RBM19: variants seen among roughly 807,000 people sequenced by gnomAD.
RBM19 encodes the protein probable RNA-binding protein 19.
RBM19 carries 94 observed loss-of-function variants against 116.8 expected under a neutral mutation model. The ratio of observed to expected loss-of-function variants is 0.80; its 90% CI spans 0.68 to 0.95. The LOEUF (loss-of-function observed/expected upper bound fraction) is 0.95, where lower values mean the gene tolerates loss of function less well. Among genes scored for constraint, RBM19 ranks in the 40% least tolerant of loss-of-function variants. The probability of loss-of-function intolerance (pLI) is 0.00; values close to 1 mark genes in which losing one functional copy is unlikely to be tolerated. For missense variants in RBM19, 1,161 were observed against 1,220.7 expected (o/e 0.95, Z 0.73); for synonymous variants, 475 against 494.1 (o/e 0.96, Z 0.51).
intron 22 of RBM19, among the ~76,000 whole-genome samples, chr12:113,850,014 A>G (rs574932403): frequency 2.8e-4 from 42 of 152,252 alleles, no homozygotes; most frequent in South Asian, 2.5e-3. Flanking sequence ...GCTCCTGCTC[A>G]AGGCCTCTCC....
intron 22 of RBM19, among the ~76,000 whole-genome samples, chr12:113,854,480 C>A (rs1479295773): frequency 6.6e-6 from 1 of 152,098 alleles, no homozygotes; most frequent in African/African-American, 2.4e-5. Context: ...CCCCCATCAA[C>A]CTCTGTCCCC....
chr12:113,844,018 C>T (rs1158021477), intron 23 of RBM19, among the ~76,000 whole-genome samples: 1 of 152,224 alleles, frequency 6.6e-6, no homozygotes, highest in Non-Finnish European at 1.5e-5. Context: ...AGGAATGTGT[C>T]CCAGCCTCTT....
At chr12:113,915,850 C>T (rs1161952888) in intron 20 of RBM19, among the ~76,000 whole-genome samples, 1 of 152,196 alleles carries the variant, frequency 6.6e-6, no homozygotes, top group Non-Finnish European at 1.5e-5. Context: ...TAAACAGCAG[C>T]TGTTATGATA....
intron 20 of RBM19, among the ~76,000 whole-genome samples, chr12:113,917,621 T>A (rs570491441): frequency 6.6e-6 from 1 of 152,366 alleles, no homozygotes; most frequent in South Asian, 2.1e-4. Flanking sequence ...GAAGCTAATT[T>A]GCCGGATGAC....
intron 20 of RBM19, 71 bp downstream of exon 20, chr12:113,918,321 C>T: frequency 2.0e-6 from 3 of 1,489,684 alleles, no homozygotes; most frequent in Non-Finnish European, 2.8e-6. Flanking sequence ...GAGACAGCCT[C>T]CAGGGTGGCC....
intron 21 of RBM19, among the ~76,000 whole-genome samples, chr12:113,879,178 T>C (rs1175234737): frequency 6.6e-6 from 1 of 152,062 alleles, no homozygotes; most frequent in East Asian, 1.9e-4. Context: ...CAGTCCTCTG[T>C]GGGGTCCACC....
chr12:113,857,920 G>A (rs1413234961), intron 22 of RBM19, among the ~76,000 whole-genome samples: 1 of 152,248 alleles, frequency 6.6e-6, no homozygotes, highest in Non-Finnish European at 1.5e-5. Flanking sequence ...AGGTGAAGGG[G>A]ATCCCAGCCA....
intron 21 of RBM19, among the ~76,000 whole-genome samples, chr12:113,889,181 C>T (rs976938112): frequency 2.0e-5 from 3 of 152,206 alleles, no homozygotes; most frequent in African/African-American, 7.2e-5. Flanking sequence ...TGTTGAGAAG[C>T]ACCCCTGGCT....
intron 21 of RBM19, among the ~76,000 whole-genome samples, chr12:113,888,505 A>G (rs1880709132): frequency 6.6e-6 from 1 of 152,206 alleles, no homozygotes; most frequent in Non-Finnish European, 1.5e-5. Context: ...CAGGAACAGT[A>G]TGACAATTTC....
intron 23 of RBM19, among the ~76,000 whole-genome samples, chr12:113,829,198 A>G (rs1249426170): frequency 6.6e-6 from 1 of 152,196 alleles, no homozygotes; most frequent in Non-Finnish European, 1.5e-5. Flanking sequence ...AGATTTCACC[A>G]TGTTGGACAT....
intron 21 of RBM19, among the ~76,000 whole-genome samples, chr12:113,883,901 A>T (rs1053520049): frequency 6.6e-6 from 1 of 152,234 alleles, no homozygotes; most frequent in Non-Finnish European, 1.5e-5. Flanking sequence ...AACTGGAGGT[A>T]TCAGTGTGAA....
intron 20 of RBM19, among the ~76,000 whole-genome samples, chr12:113,918,141 A>G (rs1882887037): frequency 7.8e-6 from 1 of 128,920 alleles, no homozygotes; most frequent in African/African-American, 2.7e-5. Context: ...AAAAAAAAAA[A>G]GAAAAAAAAA....
At chr12:113,923,768 C>A (rs1039843720) in intron 18 of RBM19, among the ~76,000 whole-genome samples, 2 of 152,208 alleles carry the variant, frequency 1.3e-5, no homozygotes, top group Non-Finnish European at 2.9e-5. Context: ...CCTGTCCCTG[C>A]CATCCAACCC....
At chr12:113,950,303 T>C in intron 8 of RBM19, 149 bp from the exon 9 acceptor site, 1 of 633,414 alleles carries the variant, frequency 1.6e-6, no homozygotes, top group Non-Finnish European at 2.7e-6. Context: ...AGGGTCTCCC[T>C]CTCTCTGTCT....
downstream of RBM19, chr12:113,817,232 T>C (rs984011197): frequency 6.6e-6 from 1 of 152,244 alleles, no homozygotes; most frequent in Non-Finnish European, 1.5e-5. Flanking sequence ...GCTTAAAGCC[T>C]AGGAGACAGA....
intron 9 of RBM19, among the ~76,000 whole-genome samples, chr12:113,949,567 T>C (rs1193300968): frequency 6.6e-6 from 1 of 152,192 alleles, no homozygotes; most frequent in East Asian, 1.9e-4. Flanking sequence ...CTGGGGTTGA[T>C]GGCTGGATTC....
At chr12:113,953,788 G>A (rs992008031) in intron 7 of RBM19, among the ~76,000 whole-genome samples, 2 of 152,178 alleles carry the variant, frequency 1.3e-5, no homozygotes, top group African/African-American at 4.8e-5. Context: ...TATGGCCCAC[G>A]GGCCAAATAT....
intron 21 of RBM19, among the ~76,000 whole-genome samples, chr12:113,897,419 G>T (rs922048002): frequency 6.6e-6 from 1 of 152,200 alleles, no homozygotes; most frequent in African/African-American, 2.4e-5. Context: ...ATCTACTTTG[G>T]CCTCCCAAAG....
Position 113,963,710 on chromosome 12 carries a change from T to A in RBM19, c.37-1296A>T, listed in dbSNP as rs111988632. On this transcript the variant is annotated intron_variant, in intron 1 of 23. Coordinates refer to ENST00000261741, the MANE Select transcript of RBM19 (RefSeq NM_016196.4). ...ACCTGGCTCAAGTCTGAATCCATCA[T>A]TCCTTTGCCAAAAACCTTTCGGTGA... is the stretch of plus-strand genomic sequence containing the variant. Among the ~76,000 whole-genome samples, 2 of 152,190 alleles carry A rather than the reference T, an allele frequency of 1.3e-5. 1 individual carries two copies. The highest frequency in any genetic ancestry group is 4.1e-4 in the South Asian group (2 of 4,830).
Sources: gnomAD v4.1 joint callset for allele counts (sites outside exome capture counted in the v4.1 genomes callset) on GRCh38, gnomAD v4.1.1 for gene constraint, MANE v1.5 for transcripts, NCBI Gene and HGNC (gene_info 2026-07-23, HGNC 2026-07-21) for gene names.